SLC71A1: variants seen among roughly 807,000 people sequenced by gnomAD.
SLC71A1 encodes solute carrier family 71 member 1, also known as hippocampus abundant gene transcript 1.
the SLC71A1 span, chr1:100,079,359 CTCTT>C: frequency 6.6e-6 from 1 of 150,554 alleles, no homozygotes; most frequent in South Asian, 2.1e-4. Context: ...GTCATATGCT[CTCTT>C]TTTTTTTTTT....
At chr1:100,060,982 T>A in the SLC71A1 span, among the ~76,000 whole-genome samples, 1 of 152,146 alleles carries the variant, frequency 6.6e-6, no homozygotes, top group African/African-American at 2.4e-5. Context: ...TTCTTGTAGA[T>A]GAGATACAAT....
the SLC71A1 span, among the ~76,000 whole-genome samples, chr1:100,039,097 G>C: frequency 1.3e-5 from 2 of 152,226 alleles, no homozygotes; most frequent in Admixed American, 1.3e-4. Flanking sequence ...ACTTTATGCA[G>C]TGTGTAGTTA....
the SLC71A1 span, chr1:100,079,427 A>G: frequency 6.6e-6 from 1 of 152,166 alleles, no homozygotes; most frequent in South Asian, 2.1e-4. Flanking sequence ...CTTCTTTGAA[A>G]AGGATATGTT....
At chr1:100,075,258 C>T in the SLC71A1 span, among the ~76,000 whole-genome samples, 1 of 152,224 alleles carries the variant, frequency 6.6e-6, no homozygotes, top group Non-Finnish European at 1.5e-5. Context: ...TGTCCTGTCT[C>T]TTGGCTGAAG....
chr1:100,063,801 AG>A, the SLC71A1 span, among the ~76,000 whole-genome samples: 2 of 152,090 alleles, frequency 1.3e-5, no homozygotes, highest in African/African-American at 2.4e-5. Flanking sequence ...TCTCCAAAAA[AG>A]GGGGTTGGGG....
the SLC71A1 span, among the ~76,000 whole-genome samples, chr1:100,055,264 A>G: frequency 6.6e-6 from 1 of 152,122 alleles, no homozygotes; most frequent in South Asian, 2.1e-4. Flanking sequence ...AAGTTTTGAG[A>G]TACTAGTTTA....
At chr1:100,075,735 G>A in the SLC71A1 span, among the ~76,000 whole-genome samples, 1 of 152,286 alleles carries the variant, frequency 6.6e-6, no homozygotes, top group Non-Finnish European at 1.5e-5. Context: ...CTGGAGTGCA[G>A]TGGTGTGATC....
chr1:100,047,179 T>C, the SLC71A1 span, among the ~76,000 whole-genome samples: 2 of 152,258 alleles, frequency 1.3e-5, no homozygotes, highest in African/African-American at 4.8e-5. Context: ...CTGTTCAGCA[T>C]GATAGCTCTG....
the SLC71A1 span, among the ~76,000 whole-genome samples, chr1:100,050,770 G>A: frequency 6.6e-6 from 1 of 152,062 alleles, no homozygotes; most frequent in African/African-American, 2.4e-5. Context: ...TTTATTGACA[G>A]CTGTGTAATT....
the SLC71A1 span, chr1:100,082,495 TTC>T: frequency 2.8e-6 from 1 of 359,342 alleles, no homozygotes; most frequent in Non-Finnish European, 5.2e-6. Flanking sequence ...TATATGTAAC[TTC>T]TTAGATATTA....
chr1:100,075,814 G>A, the SLC71A1 span, among the ~76,000 whole-genome samples: 1 of 152,256 alleles, frequency 6.6e-6, no homozygotes, highest in South Asian at 2.1e-4. Flanking sequence ...GAGTAGCTGG[G>A]ACCACAGGTG....
At chr1:100,062,074 A>G in the SLC71A1 span, 4 of 615,356 alleles carry the variant, frequency 6.5e-6, no homozygotes, top group South Asian at 9.5e-5. Flanking sequence ...ATTTTGTAAT[A>G]AAATCATTCA....
chr1:100,078,055 C>T, the SLC71A1 span, among the ~76,000 whole-genome samples: 10 of 152,118 alleles, frequency 6.6e-5, no homozygotes, highest in African/African-American at 2.4e-4. Context: ...ATCAAATCAG[C>T]GATATCTTCA....
the SLC71A1 span, among the ~76,000 whole-genome samples, chr1:100,059,621 A>G: frequency 4.0e-5 from 6 of 151,834 alleles, no homozygotes; most frequent in Admixed American, 6.6e-5. Flanking sequence ...TGGAATTGCT[A>G]TTGTGGATTT....
the SLC71A1 span, among the ~76,000 whole-genome samples, chr1:100,064,107 A>ATG: frequency 1.1e-3 from 168 of 151,874 alleles, no homozygotes; most frequent in African/African-American, 3.8e-3. Context: ...ATTTATATGT[A>ATG]TGTGTGTGTG....
the SLC71A1 span, among the ~76,000 whole-genome samples, chr1:100,052,424 CTTTTTTT>C: frequency 7.5e-4 from 90 of 119,646 alleles, no homozygotes; most frequent in Admixed American, 6.4e-3. Context: ...TAATATATTC[CTTTTTTT>C]TTTTTTTTTT....
At chr1:100,048,177 A>G in the SLC71A1 span, among the ~76,000 whole-genome samples, 2 of 151,492 alleles carry the variant, frequency 1.3e-5, no homozygotes, top group Non-Finnish European at 2.9e-5. Context: ...AAGCTTATCA[A>G]ATTTGTGGCC....
chr1:100,047,920 T>G, the SLC71A1 span, among the ~76,000 whole-genome samples: 1 of 152,204 alleles, frequency 6.6e-6, no homozygotes, highest in African/African-American at 2.4e-5. Context: ...AGAAAAGATA[T>G]GGAAAATTCA....
At chr1:100,074,054 C>A in the SLC71A1 span, among the ~76,000 whole-genome samples, 6 of 152,104 alleles carry the variant, frequency 3.9e-5, no homozygotes, top group Non-Finnish European at 5.9e-5. Flanking sequence ...GAGAAAAGTT[C>A]CTGCCTTCAA....
Sources: allele counts gnomAD v4.1 joint callset (sites outside exome capture counted in the v4.1 genomes callset), GRCh38; gene constraint gnomAD v4.1.1; transcripts MANE v1.5; gene names NCBI Gene and HGNC (gene_info 2026-07-23, HGNC 2026-07-21).